GAS2: variants seen among roughly 807,000 people sequenced by gnomAD.
GAS2 encodes the protein growth arrest-specific protein 2.
A neutral mutation model predicts 37.5 loss-of-function variants in GAS2; 20 were observed. The ratio of observed to expected loss-of-function variants is 0.53; its 90% CI spans 0.37 to 0.77. The LOEUF (loss-of-function observed/expected upper bound fraction) is 0.77, where lower values mean the gene tolerates loss of function less well. Ranked by LOEUF, GAS2 falls within the 30% of genes least tolerant of loss-of-function variation. The pLI, the probability that GAS2 is intolerant of heterozygous loss-of-function variation, is 0.00. For missense variants in GAS2, 336 were observed against 373.4 expected, an observed-to-expected ratio of 0.90 and a Z score of 0.82; for synonymous variants, 144 against 132.2, an observed-to-expected ratio of 1.09 and a Z score of -0.61.
At chr11:22,714,748 A>G (rs1215985565) in intron 3 of GAS2, among the ~76,000 whole-genome samples, 2 of 152,214 alleles carry the variant, frequency 1.3e-5, no homozygotes, top group African/African-American at 2.4e-5. Flanking sequence ...AAATTAAATA[A>G]TCTGCTTCTG....
intron 1 of GAS2, among the ~76,000 whole-genome samples, chr11:22,647,291 A>G (rs1263245042): frequency 6.6e-6 from 1 of 151,954 alleles, no homozygotes; most frequent in Non-Finnish European, 1.5e-5. Flanking sequence ...CATGGTGTAT[A>G]TGTGCCACAT....
chr11:22,652,570 G>C (rs894982287), intron 1 of GAS2, among the ~76,000 whole-genome samples: 2 of 152,204 alleles, frequency 1.3e-5, no homozygotes, highest in African/African-American at 2.4e-5. Flanking sequence ...AGCAATCAGC[G>C]AGACTCCGTG....
chr11:22,745,130 A>AG (rs1293107783), intron 5 of GAS2, among the ~76,000 whole-genome samples: 13 of 150,570 alleles, frequency 8.6e-5, no homozygotes, highest in Non-Finnish European at 1.2e-4. Context: ...AAAAAAAAAA[A>AG]AAAGAAAGAA....
At chr11:22,674,171 C>G (rs965702863) in intron 1 of GAS2, among the ~76,000 whole-genome samples, 4 of 151,880 alleles carry the variant, frequency 2.6e-5, no homozygotes, top group Admixed American at 2.0e-4. Flanking sequence ...CTGTCATGAC[C>G]TAGCTGTATG....
At chr11:22,792,911 T>A (rs1856240152) in intron 7 of GAS2, among the ~76,000 whole-genome samples, 1 of 152,168 alleles carries the variant, frequency 6.6e-6, no homozygotes, top group Non-Finnish European at 1.5e-5. Flanking sequence ...GACTTTGGAA[T>A]TCAGAATAGG....
intron 7 of GAS2, among the ~76,000 whole-genome samples, chr11:22,810,838 C>T (rs529330376): frequency 4.7e-4 from 72 of 152,208 alleles, no homozygotes; most frequent in African/African-American, 7.7e-4. Context: ...CTCAAGCTGA[C>T]GCCAAGTAAG....
At chr11:22,642,084 A>AT (rs1253021399) in intron 1 of GAS2, among the ~76,000 whole-genome samples, 1 of 152,090 alleles carries the variant, frequency 6.6e-6, no homozygotes, top group Non-Finnish European at 1.5e-5. Context: ...TGAGATTCCA[A>AT]TTTTATTGAG....
chr11:22,774,964 G>A (rs1472967482), intron 7 of GAS2, among the ~76,000 whole-genome samples: 1 of 151,408 alleles, frequency 6.6e-6, no homozygotes, highest in East Asian at 1.9e-4. Flanking sequence ...GAGGAGATGA[G>A]GGGAAGAGAG....
chr11:22,643,462 A>G (rs2133820497), intron 1 of GAS2, among the ~76,000 whole-genome samples: 1 of 151,798 alleles, frequency 6.6e-6, no homozygotes, highest in African/African-American at 2.4e-5. Context: ...TGTTTTGAAA[A>G]AAAAAAAAAA....
At chr11:22,714,534 A>G (rs958496784) in intron 3 of GAS2, among the ~76,000 whole-genome samples, 17 of 152,206 alleles carry the variant, frequency 1.1e-4, no homozygotes, top group African/African-American at 3.9e-4. Flanking sequence ...GACTTCACAG[A>G]TATTTACAGA....
intron 3 of GAS2, among the ~76,000 whole-genome samples, chr11:22,697,363 G>A (rs1850583430): frequency 6.6e-6 from 1 of 152,154 alleles, no homozygotes; most frequent in Non-Finnish European, 1.5e-5. Context: ...AGTATAATTT[G>A]AAGTCAGGTA....
At chr11:22,662,310 A>C (rs975184256), upstream of GAS2, among the ~76,000 whole-genome samples, 1 of 152,164 alleles carries the variant, frequency 6.6e-6, no homozygotes, top group African/African-American at 2.4e-5. Flanking sequence ...TGGGAGTGAA[A>C]CTATCATTTG....
At chr11:22,652,873 A>G (rs1188399398) in intron 1 of GAS2, among the ~76,000 whole-genome samples, 1 of 151,810 alleles carries the variant, frequency 6.6e-6, no homozygotes, top group Admixed American at 6.6e-5. Flanking sequence ...TGCAAAAATC[A>G]CCCGTCTTCT....
intron 7 of GAS2, among the ~76,000 whole-genome samples, chr11:22,759,666 C>T (rs1207930897): frequency 1.3e-5 from 2 of 152,096 alleles, no homozygotes; most frequent in South Asian, 2.1e-4. Context: ...ATTTGGACAG[C>T]GATGATAAAA....
At chr11:22,703,156 C>T (rs537958160) in intron 3 of GAS2, among the ~76,000 whole-genome samples, 4 of 152,224 alleles carry the variant, frequency 2.6e-5, no homozygotes, top group South Asian at 4.2e-4. Context: ...CTAGCACCAG[C>T]GCAGTGTTGT....
At chr11:22,808,139 A>G (rs74361530) in intron 7 of GAS2, among the ~76,000 whole-genome samples, 2 of 152,302 alleles carry the variant, frequency 1.3e-5, no homozygotes, top group East Asian at 1.9e-4. Flanking sequence ...AACAGCAAAT[A>G]TATCCCTCCG....
At chr11:22,785,193 C>CA (rs761120054) in intron 7 of GAS2, among the ~76,000 whole-genome samples, 1 of 152,064 alleles carries the variant, frequency 6.6e-6, no homozygotes, top group East Asian at 1.9e-4. Context: ...AAAACAAAAA[C>CA]AAAAATCCCC....
intron 1 of GAS2, among the ~76,000 whole-genome samples, chr11:22,653,591 A>G (rs1274898833): frequency 6.6e-6 from 1 of 152,234 alleles, no homozygotes; most frequent in African/African-American, 2.4e-5. Context: ...CTTTCAATCA[A>G]TACTTTTAAA....
chr11:22,739,440 G>C (rs1367672877), intron 5 of GAS2, among the ~76,000 whole-genome samples: 1 of 151,798 alleles, frequency 6.6e-6, no homozygotes, highest in Non-Finnish European at 1.5e-5. Flanking sequence ...CGGGTGTGGT[G>C]GTGGGCGCCT....
Sources: gnomAD v4.1 joint callset for allele counts (sites outside exome capture counted in the v4.1 genomes callset) on GRCh38, gnomAD v4.1.1 for gene constraint, MANE v1.5 for transcripts, NCBI Gene and HGNC (gene_info 2026-07-23, HGNC 2026-07-21) for gene names.